The following RBFOX1 variants were observed in gnomAD, a reference collection of about 807,000 sequenced individuals.
RBFOX1 encodes RNA binding protein fox-1 homolog 1.
RBFOX1 carries 8 observed loss-of-function variants against 57.7 expected under a neutral mutation model. The observed-to-expected ratio is 0.14, with a 90% CI of 0.08 to 0.25. The LOEUF is 0.25. Ranked by LOEUF, RBFOX1 falls within the 10% of genes least tolerant of loss-of-function variation. RBFOX1 has a pLI of 1.00. For missense variants in RBFOX1, 611 were observed against 548.5 expected, an observed-to-expected ratio of 1.11 and a Z score of -1.14; for synonymous variants, 326 against 222.4, an observed-to-expected ratio of 1.47 and a Z score of -4.15.
intron 4 of RBFOX1, among the ~76,000 whole-genome samples, chr16:7,160,300 A>T (rs746898545): frequency 1.3e-5 from 2 of 152,002 alleles, no homozygotes; most frequent in African/African-American, 2.4e-5. Context: ...GGCAAGTTGC[A>T]TTAGTCTTCT....
intron 2 of RBFOX1, among the ~76,000 whole-genome samples, chr16:6,477,106 G>T (rs968787609): frequency 6.6e-6 from 1 of 152,130 alleles, no homozygotes; most frequent in African/African-American, 2.4e-5. Context: ...CTCCACTGAA[G>T]TCTTGAACCC....
chr16:5,998,601 C>G (rs962522254), intron 4 of RBFOX1, among the ~76,000 whole-genome samples: 1 of 152,166 alleles, frequency 6.6e-6, no homozygotes, highest in Non-Finnish European at 1.5e-5. Context: ...TTCACTGAAG[C>G]AAGGTTGTGT....
At chr16:6,789,548 C>G (rs1167945458) in intron 3 of RBFOX1, among the ~76,000 whole-genome samples, 1 of 152,158 alleles carries the variant, frequency 6.6e-6, no homozygotes, top group Non-Finnish European at 1.5e-5. Flanking sequence ...AATTATTGCA[C>G]TCAATAGGCG....
chr16:6,046,741 G>C (rs2095499885), intron 1 of RBFOX1, among the ~76,000 whole-genome samples: 1 of 152,116 alleles, frequency 6.6e-6, no homozygotes, highest in Non-Finnish European at 1.5e-5. Flanking sequence ...ATAATAATTA[G>C]TATGTAAACT....
intron 3 of RBFOX1, among the ~76,000 whole-genome samples, chr16:6,845,174 T>C (rs1472758078): frequency 6.6e-6 from 1 of 152,158 alleles, no homozygotes; most frequent in South Asian, 2.1e-4. Context: ...AGAAGCTCTT[T>C]AGTTTAATTA....
chr16:7,253,706 C>G (rs143283119), intron 4 of RBFOX1, among the ~76,000 whole-genome samples: 75 of 152,286 alleles, frequency 4.9e-4, no homozygotes, highest in Middle Eastern at 3.4e-3. Flanking sequence ...GAAACCCCTA[C>G]TCCATCACCA....
chr16:5,718,265 G>A (rs959019672), intron 3 of RBFOX1, among the ~76,000 whole-genome samples: 2 of 152,196 alleles, frequency 1.3e-5, no homozygotes, highest in African/African-American at 2.4e-5. Context: ...TCCATGTGGA[G>A]CTTGCATGAA....
chr16:7,443,912 T>C (rs2098789196), intron 4 of RBFOX1, among the ~76,000 whole-genome samples: 1 of 152,222 alleles, frequency 6.6e-6, no homozygotes, highest in African/African-American at 2.4e-5. Context: ...CTACTGATTC[T>C]GTATTCCTTT....
At chr16:7,073,092 C>G (rs2057651058) in intron 4 of RBFOX1, among the ~76,000 whole-genome samples, 1 of 152,114 alleles carries the variant, frequency 6.6e-6, no homozygotes, top group Non-Finnish European at 1.5e-5. Context: ...AGTTGAGACT[C>G]CAGAAAGATC....
Position 5,792,694 on chromosome 16 carries a change from C to G in RBFOX1, c.319-74609C>G, listed in dbSNP as rs151060401. On this transcript the variant is annotated intron_variant, in intron 3 of 19. Coordinates refer to the RBFOX1 transcript ENST00000641259. ...CCCGTCTCTACTAAAAATACAAAAA[C>G]TAGCCGGGCATGGTGGCATGTGCCT... Among the ~76,000 whole-genome samples, 11 of 152,114 alleles carry G rather than the reference C, an allele frequency of 7.2e-5. No homozygotes were observed. The East Asian group carries it at 2.1e-3, about 30-fold the overall frequency.
intron 2 of RBFOX1, among the ~76,000 whole-genome samples, chr16:6,635,026 TTA>T (rs528411709): frequency 0.014 from 1,986 of 143,798 alleles, 24 homozygotes; most frequent in Admixed American, 0.031. Flanking sequence ...GTTACACAAA[TTA>T]TATATGACAT....
chr16:6,559,799 C>G (rs74845925), intron 2 of RBFOX1, among the ~76,000 whole-genome samples: 8,620 of 152,100 alleles, frequency 0.057, 660 homozygotes, highest in African/African-American at 0.17. Flanking sequence ...GCATTTGGAA[C>G]TTGTTGGTGT....
chr16:6,702,848 G>A (rs116003985), intron 3 of RBFOX1, among the ~76,000 whole-genome samples: 5,096 of 152,194 alleles, frequency 0.033, 286 homozygotes, highest in African/African-American at 0.12. Flanking sequence ...ATTGTTGTGC[G>A]ACCATCACCA....
At position 6,699,611 on chromosome 16, in the gene RBFOX1, G is replaced by T. The variant is rs1019257; in HGVS notation, c.-16+44961G>T. ...AAATGGGCTCTTTAAACTGTACGACGGGAAGAGTGTTTTTGTTGGCATGAA... is the reference window on the plus strand; with the variant it reads ...AAATGGGCTCTTTAAACTGTACGACTGGAAGAGTGTTTTTGTTGGCATGAA... On this transcript the variant is annotated intron_variant, in intron 3 of 15. Coordinates refer to ENST00000550418, the MANE Select transcript of RBFOX1 (RefSeq NM_018723.4). Among the ~76,000 whole-genome samples, 5 of 152,104 alleles carry T rather than the reference G, an allele frequency of 3.3e-5. No homozygotes were observed. In the East Asian group the frequency reaches 7.8e-4, roughly 24 times the overall value.
intron 4 of RBFOX1, among the ~76,000 whole-genome samples, chr16:5,941,033 G>A (rs545331792): frequency 1.3e-5 from 2 of 152,136 alleles, no homozygotes; most frequent in Non-Finnish European, 2.9e-5. Flanking sequence ...CTGGTGGGTT[G>A]TTGTGAGAAT....
At chr16:7,419,225 T>C (rs971177983) in intron 4 of RBFOX1, among the ~76,000 whole-genome samples, 3 of 151,930 alleles carry the variant, frequency 2.0e-5, no homozygotes, top group East Asian at 3.9e-4. Flanking sequence ...CAGCCAAGAG[T>C]TGTTTTTATC....
In RBFOX1 at chr16:7,524,379, T is replaced by C. The variant is rs961020298; in HGVS notation, c.270+5990T>C. ...AGATGAGTCCCTGCAGGCCTTTTTTTCTGCTGAATTTCTATTTCATGTAGG... is the reference window on the plus strand; with the variant it reads ...AGATGAGTCCCTGCAGGCCTTTTTTCCTGCTGAATTTCTATTTCATGTAGG... On this transcript the variant is annotated intron_variant, in intron 5 of 15. Coordinates refer to ENST00000550418, the MANE Select transcript of RBFOX1 (RefSeq NM_018723.4). Among the ~76,000 whole-genome samples, 39 of 152,182 alleles carry C rather than the reference T, an allele frequency of 2.6e-4. 1 individual carries two copies. Among genetic ancestry groups the C allele is most frequent in the African/African-American group, 9.4e-4 (39 of 41,438 alleles).
chr16:5,893,761 G>A (rs1239808536), intron 4 of RBFOX1, among the ~76,000 whole-genome samples: 1 of 151,468 alleles, frequency 6.6e-6, no homozygotes, highest in Non-Finnish European at 1.5e-5. Context: ...AGCCAAGATT[G>A]CGCCACTGCA....
intron 2 of RBFOX1, among the ~76,000 whole-genome samples, chr16:6,621,392 A>G (rs892895230): frequency 4.6e-5 from 7 of 152,274 alleles, no homozygotes; most frequent in African/African-American, 1.7e-4. Context: ...TGAACCCGGG[A>G]GGCGGAGCTT....
Sources: gnomAD v4.1 joint callset for allele counts (sites outside exome capture counted in the v4.1 genomes callset) on GRCh38, gnomAD v4.1.1 for gene constraint, MANE v1.5 for transcripts, NCBI Gene and HGNC (gene_info 2026-07-23, HGNC 2026-07-21) for gene names.